SPEF2: variants seen among roughly 807,000 people sequenced by gnomAD.
The protein encoded by SPEF2 is sperm flagellar and cilia associated 2.
In SPEF2, 187 loss-of-function variants were observed where a neutral mutation model predicts 224.6. The observed-to-expected ratio is 0.83, with a 90% CI of 0.74 to 0.94. SPEF2 has a LOEUF of 0.94. Among genes scored for constraint, SPEF2 ranks in the 40% least tolerant of loss-of-function variants. SPEF2 has a pLI of 0.00. For synonymous variants in SPEF2, 715 were observed against 707.3 expected (o/e 1.01, Z -0.17); for missense variants, 2,170 against 2,135.6 (o/e 1.02, Z -0.32).
chr5:35,779,169 A>G lies in SPEF2; in HGVS notation c.4270A>G (p.Ile1424Val). ...CTATCACATTGAAACATCTACAAAA[A>G]TTCAGAATGAACTTTATTTAAGCCA... ...ARYHIETSTK[I>V]QNELYLSQED... The change falls in exon 30 of 37, where the codon ATT (isoleucine) becomes GTT (valine). Residue 1424 changes from isoleucine to valine, a missense_variant. Ile to Val is a conservative substitution (Grantham distance 29). Coordinates refer to ENST00000356031, the MANE Select transcript of SPEF2 (RefSeq NM_024867.4). The G allele has an allele frequency of 6.2e-7, 1 of 1,613,818 alleles. No individual in the cohort carries two copies. Among genetic ancestry groups the G allele is most frequent in the Non-Finnish European group, 8.5e-7 (1 of 1,179,862 alleles).
intron 2 of SPEF2, among the ~76,000 whole-genome samples, chr5:35,629,448 C>T (rs1580027589): frequency 2.0e-5 from 3 of 152,046 alleles, no homozygotes; most frequent in East Asian, 1.9e-4. Context: ...TGAGCCACCG[C>T]GCCCGGCCTG....
intron 30 of SPEF2, chr5:35,788,967 G>A: frequency 1.4e-6 from 1 of 703,002 alleles, no homozygotes; most frequent in Non-Finnish European, 2.6e-6. Context: ...TGGCTTCATG[G>A]ATTACAGGCA....
intron 18 of SPEF2, 119 bp from the exon 19 acceptor site, chr5:35,708,829 A>T: frequency 1.1e-6 from 1 of 910,634 alleles, no homozygotes; most frequent in South Asian, 1.8e-5. Flanking sequence ...GCCCTAAAGC[A>T]TGAATTAGCT....
At chr5:35,663,438 A>C (rs76250541) in intron 8 of SPEF2, among the ~76,000 whole-genome samples, 1 of 152,286 alleles carries the variant, frequency 6.6e-6, no homozygotes, top group East Asian at 1.9e-4. Context: ...TCAATGTTCC[A>C]TAGCTCAACA....
At chr5:35,690,967 T>C in intron 10 of SPEF2, 70 bp from the exon 11 acceptor site, 1 of 1,301,064 alleles carries the variant, frequency 7.7e-7, no homozygotes, top group East Asian at 2.5e-5. Flanking sequence ...ACTTTTAACA[T>C]TTAAATATTT....
intron 2 of SPEF2, among the ~76,000 whole-genome samples, chr5:35,637,851 A>G (rs536074180): frequency 1.3e-5 from 2 of 152,278 alleles, no homozygotes; most frequent in South Asian, 4.1e-4. Context: ...TAAGAATGCC[A>G]GGGTAGGTAG....
At chr5:35,619,024 G>T (rs1488254059) in intron 1 of SPEF2, among the ~76,000 whole-genome samples, 1 of 152,216 alleles carries the variant, frequency 6.6e-6, no homozygotes, top group African/African-American at 2.4e-5. Context: ...TAGATCGGTA[G>T]TGTTTCTGTG....
chr5:35,647,338 GGA>G (rs141186731), intron 5 of SPEF2, among the ~76,000 whole-genome samples: 4 of 150,718 alleles, frequency 2.7e-5, no homozygotes, highest in Non-Finnish European at 4.4e-5. Flanking sequence ...GTGTAGGGAG[GGA>G]GAGAGAGAGA....
rs1754363741 is a variant in SPEF2, at chr5:35,690,916, T to A, written c.1525-121T>A. The A allele has an allele frequency of 4.6e-6, 3 of 659,334 alleles. No individual in the cohort carries two copies. In the South Asian group the frequency reaches 7.4e-5, roughly 16 times the overall value. The allele number at this position is 659,334 out of a possible 1,614,324, so 40.8% of individuals were successfully genotyped here. ...TGTTATTACTCTTTTTATAATATAA[T>A]TAAAGTATTCATTGGCTTTTGTTGG... On this transcript the variant is annotated intron_variant, in intron 10 of 36. Coordinates refer to ENST00000356031, the MANE Select transcript of SPEF2 (RefSeq NM_024867.4).
chr5:35,771,288 A>G (rs1172089455), intron 26 of SPEF2, among the ~76,000 whole-genome samples: 1 of 152,166 alleles, frequency 6.6e-6, no homozygotes, highest in Non-Finnish European at 1.5e-5. Flanking sequence ...CTGAGATTTA[A>G]AAGAAAGGAA....
intron 30 of SPEF2, chr5:35,789,617 T>G (rs771742206): frequency 1.6e-6 from 1 of 632,802 alleles, no homozygotes; most frequent in Non-Finnish European, 2.8e-6. Context: ...TCAAGAGACT[T>G]CAAGGCTGTT....
intron 26 of SPEF2, chr5:35,764,855 A>G: frequency 7.8e-6 from 3 of 383,300 alleles, no homozygotes; most frequent in South Asian, 6.0e-5. Context: ...TCCCTCTCAC[A>G]AGCAATGATA....
chr5:35,779,234 A>G lies in SPEF2; in HGVS notation c.4335A>G (p.Pro1445=). The change falls in exon 30 of 37, where the codon CCA becomes CCG. Residue 1445 remains proline, a synonymous_variant. Transcript: ENST00000356031. ...TTAATGGCAATATAAAAGTCTTCCCAGATCCTCCCCCATCAATACGTCCTC... is the reference window on the plus strand; with the variant it reads ...TTAATGGCAATATAAAAGTCTTCCCGGATCCTCCCCCATCAATACGTCCTC... ...FFINGNIKVF[P]DPPPSIRPPP... 6.2e-7 allele frequency: 1 copy of G among 1,613,982 alleles called. No individual in the cohort carries two copies. Among genetic ancestry groups the G allele is most frequent in the Non-Finnish European group, 8.5e-7 (1 of 1,179,882 alleles).
rs1183293359 is a variant in SPEF2, at chr5:35,800,165, A to G, written c.5010+18A>G. The G allele has an allele frequency of 5.0e-6, 8 of 1,613,760 alleles. No homozygotes were observed. The highest frequency in any genetic ancestry group is 5.9e-6 in the Non-Finnish European group (7 of 1,179,802). ...CAGAAAAGGTAATTGCATTCCAGAA[A>G]TAGACTAACTATAGAGTCTAGAGGG... On this transcript the variant is annotated intron_variant, in intron 34 of 36. Transcript: ENST00000356031.
chr5:35,696,624 T>C (rs181640067), intron 14 of SPEF2, among the ~76,000 whole-genome samples: 13 of 152,326 alleles, frequency 8.5e-5, no homozygotes, highest in African/African-American at 2.9e-4. Context: ...TATCAGTGAA[T>C]ACAAAAGACA....
chr5:35,644,193 A>T (rs1022065844), intron 3 of SPEF2, among the ~76,000 whole-genome samples, 162 bp from the exon 4 acceptor site: 1 of 152,202 alleles, frequency 6.6e-6, no homozygotes, highest in African/African-American at 2.4e-5. Flanking sequence ...TGCTTACATC[A>T]ATTAAGAATA....
intron 13 of SPEF2, among the ~76,000 whole-genome samples, chr5:35,695,094 C>T (rs1004868456): frequency 2.0e-5 from 3 of 152,134 alleles, no homozygotes; most frequent in Admixed American, 6.6e-5. Context: ...ATACAACACT[C>T]CAGAGAGGTT....
At chr5:35,747,158 A>G (rs1320471220) in intron 23 of SPEF2, among the ~76,000 whole-genome samples, 1 of 152,210 alleles carries the variant, frequency 6.6e-6, no homozygotes, top group Non-Finnish European at 1.5e-5. Flanking sequence ...CACTACAAGA[A>G]AAAGGAGCTC....
In SPEF2 at chr5:35,814,535, T is replaced by C. The variant is rs773138250; in HGVS notation, c.5451T>C (p.His1817=). 9.9e-5 allele frequency: 159 copies of C among 1,605,014 alleles called. No homozygotes were observed. The highest frequency in any genetic ancestry group is 1.3e-4 in the Non-Finnish European group (152 of 1,175,114). ...ATGGAGAGAGATCACCTTCAAGACA[T>C]ACAGAGGAAAAGAAATGAAGACAAA... The part of the protein sequence containing the change: ...GSDGERSPSR[H]TEEKK The change falls in exon 37 of 37, where the codon CAT becomes CAC. Residue 1817 remains histidine, a synonymous_variant. Coordinates refer to ENST00000356031, the MANE Select transcript of SPEF2 (RefSeq NM_024867.4).
Sources: allele counts gnomAD v4.1 joint callset (sites outside exome capture counted in the v4.1 genomes callset), GRCh38; gene constraint gnomAD v4.1.1; transcripts MANE v1.5; gene names NCBI Gene and HGNC (gene_info 2026-07-23, HGNC 2026-07-21).